Variants in TBK1 observed in about 807,000 individuals in gnomAD.
The protein encoded by TBK1 is TANK binding kinase 1.
Under a neutral mutation model 99.9 loss-of-function variants are expected in TBK1, and 37 were observed. That is an observed-to-expected ratio of 0.37 (90% CI 0.28 to 0.49). TBK1 has a LOEUF of 0.49. Ranked by LOEUF, TBK1 falls within the 20% of genes least tolerant of loss-of-function variation. The pLI, the probability that TBK1 is intolerant of heterozygous loss-of-function variation, is 0.98. For synonymous variants in TBK1, 258 were observed against 279.8 expected (o/e 0.92, Z 0.78); for missense variants, 644 against 872.5 (o/e 0.74, Z 3.30).
At chr12:64,499,038 T>TTTC (rs1491375190) in intron 20 of TBK1, among the ~76,000 whole-genome samples, 1 of 6,610 alleles carries the variant, frequency 1.5e-4, no homozygotes, top group East Asian at 6.0e-3. Flanking sequence ...AATTTTATTC[T>TTTC]TTTTTTTTTT....
chr12:64,452,655 G>A (rs1378976676), intron 1 of TBK1: 1 of 152,204 alleles, frequency 6.6e-6, no homozygotes, highest in Non-Finnish European at 1.5e-5. Context: ...ATTTTTCAGA[G>A]GATTAAAAAG....
At position 64,458,958 on chromosome 12, in the gene TBK1, G is replaced by A. The variant is rs75368504; in HGVS notation, c.88-1231G>A. 5.4e-3 allele frequency among the ~76,000 whole-genome samples: 815 copies of A among 152,278 alleles called. 10 individuals carry two copies. The highest frequency in any genetic ancestry group is 0.018 in the African/African-American group (741 of 41,544). On this transcript the variant is annotated intron_variant, in intron 2 of 20. Coordinates refer to ENST00000331710, the MANE Select transcript of TBK1 (RefSeq NM_013254.4). ...CTAGAAAGAATATATATCAATTTGT[G>A]TATTTTGCATGACCAGGGTGAGGGG...
intron 12 of TBK1, 147 bp from the exon 13 acceptor site, chr12:64,489,894 T>A (rs1025026143): frequency 1.7e-5 from 9 of 526,698 alleles, no homozygotes; most frequent in Admixed American, 4.1e-5. Context: ...GTTTTTTTTT[T>A]AACAATCTGC....
At chr12:64,477,466 T>C (rs1388484222) in intron 6 of TBK1, among the ~76,000 whole-genome samples, 1 of 152,206 alleles carries the variant, frequency 6.6e-6, no homozygotes, top group Non-Finnish European at 1.5e-5. Flanking sequence ...GCTTTGTCCG[T>C]GTATAGAAAT....
Position 64,484,332 on chromosome 12 carries a change from A to G in TBK1, c.1022A>G (p.Lys341Arg). The part of the protein sequence containing the change: ...TATIFHELVY[K>R]QTKIISSNQE... ...ACTATATTTCATGAACTGGTATATA[A>G]ACAAACCAAAATTATTTCTTCAAAT... The change falls in exon 9 of 21, where the codon AAA becomes AGA. Residue 341 changes from lysine to arginine, a missense_variant. Physicochemically the swap from Lys to Arg is conservative, Grantham distance 26. Transcript: ENST00000331710. 1.2e-6 allele frequency: 2 copies of G among 1,613,420 alleles called. No individual in the cohort carries two copies. Among genetic ancestry groups the G allele is most frequent in the Non-Finnish European group, 1.7e-6 (2 of 1,179,692 alleles).
chr12:64,472,928 G>A (rs757968001), intron 5 of TBK1, among the ~76,000 whole-genome samples: 7 of 152,220 alleles, frequency 4.6e-5, no homozygotes, highest in Admixed American at 6.5e-5. Context: ...GTGTAAGGAC[G>A]TGTGTTTAAT....
chr12:64,501,501 G>A lies in TBK1; in HGVS notation c.*120G>A. 1 of 979,710 alleles carries A rather than the reference G, an allele frequency of 1.0e-6. No homozygotes were observed. Among genetic ancestry groups the A allele is most frequent in the African/African-American group, 1.6e-5 (1 of 60,918 alleles). 60.7% of individuals were successfully genotyped at this position (979,710 alleles called of 1,614,324 possible). On this transcript the variant is annotated 3_prime_UTR_variant, in exon 21 of 21. Coordinates refer to ENST00000331710, the MANE Select transcript of TBK1 (RefSeq NM_013254.4). ...ACAATTCAGTATTTGATGTGGTCGTGTAAATATGTACAATATTGTAAATAC... is the reference window on the plus strand; with the variant it reads ...ACAATTCAGTATTTGATGTGGTCGTATAAATATGTACAATATTGTAAATAC...
chr12:64,454,825 C>G (rs1346287500), intron 1 of TBK1, among the ~76,000 whole-genome samples: 2 of 150,340 alleles, frequency 1.3e-5, no homozygotes, highest in Admixed American at 6.6e-5. Context: ...TACAGGCGCC[C>G]GCCACCATGC....
chr12:64,454,143 A>G (rs1176184619), intron 1 of TBK1, among the ~76,000 whole-genome samples: 1 of 152,228 alleles, frequency 6.6e-6, no homozygotes, highest in Non-Finnish European at 1.5e-5. Context: ...AACACCTTAA[A>G]TTATGTCATA....
At position 64,501,319 on chromosome 12, in the gene TBK1, G is replaced by A. The variant is rs41292027; in HGVS notation, c.2139-11G>A. ...TGAGATTACCTTTTTTTCTTTGTGT[G>A]TGTGTTTTAGGTTTGGCTCTTTAAC... On this transcript the variant is annotated splice_polypyrimidine_tract_variant and intron_variant, in intron 20 of 20. Transcript: ENST00000331710. 17,560 of 1,612,904 alleles carry A rather than the reference G, an allele frequency of 0.011. 159 individuals are homozygous for A. Among genetic ancestry groups the A allele is most frequent in the Admixed American group, 0.034 (2,055 of 59,758 alleles).
chr12:64,494,541 G>C (rs969048640), intron 13 of TBK1, among the ~76,000 whole-genome samples: 1 of 151,346 alleles, frequency 6.6e-6, no homozygotes, highest in Non-Finnish European at 1.5e-5. Flanking sequence ...CAAATAAGTT[G>C]GGAAAATGTG....
chr12:64,477,774 T>G (rs1275656252), intron 6 of TBK1, among the ~76,000 whole-genome samples: 1 of 152,202 alleles, frequency 6.6e-6, no homozygotes, highest in Non-Finnish European at 1.5e-5. Context: ...TGGCTATTGG[T>G]TTGTCATAGA....
chr12:64,489,357 A>G (rs2040847163), intron 12 of TBK1, among the ~76,000 whole-genome samples: 1 of 152,214 alleles, frequency 6.6e-6, no homozygotes, highest in Admixed American at 6.5e-5. Context: ...TTTCTAGAAT[A>G]TACTATTTGT....
intron 5 of TBK1, among the ~76,000 whole-genome samples, chr12:64,469,973 A>T (rs2040645748): frequency 6.6e-6 from 1 of 152,134 alleles, no homozygotes; most frequent in Non-Finnish European, 1.5e-5. Flanking sequence ...CTGCTCTAAG[A>T]ATGTTCTTGG....
chr12:64,468,277 A>G (rs187419020), intron 5 of TBK1, among the ~76,000 whole-genome samples: 56 of 152,128 alleles, frequency 3.7e-4, no homozygotes, highest in Middle Eastern at 6.8e-3. Context: ...GGCAGATCAC[A>G]AGTTCAGGAG....
chr12:64,490,382 T>A (rs577828421), intron 13 of TBK1, among the ~76,000 whole-genome samples: 5 of 152,336 alleles, frequency 3.3e-5, no homozygotes, highest in Admixed American at 3.3e-4. Context: ...AACTTTCTTA[T>A]AGAGATGATA....
chr12:64,455,273 A>G (rs2040474587), intron 1 of TBK1, among the ~76,000 whole-genome samples: 1 of 152,164 alleles, frequency 6.6e-6, no homozygotes, highest in Non-Finnish European at 1.5e-5. Flanking sequence ...GGCATGAGCC[A>G]CTGCTCCCAG....
chr12:64,480,706 A>G (rs1433169268), intron 7 of TBK1, among the ~76,000 whole-genome samples: 2 of 152,212 alleles, frequency 1.3e-5, no homozygotes, highest in Admixed American at 1.3e-4. Flanking sequence ...AAGAAATTAA[A>G]AGTAGAAAGT....
At chr12:64,473,968 G>A (rs965348775) in intron 5 of TBK1, among the ~76,000 whole-genome samples, 2 of 152,004 alleles carry the variant, frequency 1.3e-5, no homozygotes, top group Non-Finnish European at 2.9e-5. Context: ...GGTTGTATTT[G>A]GTAAAGGGCA....
Sources: allele counts gnomAD v4.1 joint callset (sites outside exome capture counted in the v4.1 genomes callset), GRCh38; gene constraint gnomAD v4.1.1; transcripts MANE v1.5; gene names NCBI Gene and HGNC (gene_info 2026-07-23, HGNC 2026-07-21).